Variants in CACNA1C observed in about 807,000 individuals in gnomAD.
The protein encoded by CACNA1C is voltage-dependent L-type calcium channel subunit alpha-1C.
CACNA1C carries 30 observed loss-of-function variants against 229.0 expected under a neutral mutation model. The ratio of observed to expected loss-of-function variants is 0.13; its 90% confidence interval spans 0.10 to 0.18. CACNA1C has a LOEUF of 0.18. Ranked by LOEUF, CACNA1C falls within the 10% of genes least tolerant of loss-of-function variation. The probability of loss-of-function intolerance (pLI) is 1.00; values close to 1 mark genes in which losing one functional copy is unlikely to be tolerated. For missense variants in CACNA1C, 1,658 were observed against 2,845.0 expected (o/e 0.58, Z 9.49); for synonymous variants, 1,114 against 1,132.5 (o/e 0.98, Z 0.33).
In CACNA1C at chr12:2,088,076, C is replaced by T. The variant is rs138025933; in HGVS notation, c.50-27148C>T. ...TGGGAATGGGAACAGGATGAATTTT[C>T]AGGAGGTTTGAATGAGAAGTAATTC... On this transcript the variant is annotated intron_variant, in intron 1 of 46. Transcript: ENST00000399655. Among the ~76,000 whole-genome samples the T allele has an allele frequency of 3.9e-5, 6 of 152,312 alleles. No individual in the cohort carries two copies. The South Asian group carries it at 1.2e-3, about 32-fold the overall frequency.
intron 3 of CACNA1C, among the ~76,000 whole-genome samples, chr12:2,359,136 T>C (rs1030912645): frequency 6.6e-6 from 1 of 152,214 alleles, no homozygotes; most frequent in Non-Finnish European, 1.5e-5. Context: ...CAGATACCAT[T>C]GTCAGCAGGG....
chr12:2,622,846 A>C (rs937005432), intron 29 of CACNA1C, among the ~76,000 whole-genome samples: 1 of 152,126 alleles, frequency 6.6e-6, no homozygotes, highest in African/African-American at 2.4e-5. Context: ...GAGGCTCATA[A>C]GTCTGGCCGG....
At chr12:2,582,246 G>T (rs2060791351) in intron 14 of CACNA1C, among the ~76,000 whole-genome samples, 1 of 151,960 alleles carries the variant, frequency 6.6e-6, no homozygotes, top group African/African-American at 2.4e-5. Context: ...GGGAGGGGAG[G>T]GTGACGAAAC....
chr12:2,459,785 G>A (rs985392029), intron 5 of CACNA1C, among the ~76,000 whole-genome samples: 2 of 152,158 alleles, frequency 1.3e-5, no homozygotes, highest in Non-Finnish European at 2.9e-5. Flanking sequence ...TAGCAACTGG[G>A]AGTTAATTCC....
chr12:2,422,006 C>A (rs1386889652), intron 3 of CACNA1C, among the ~76,000 whole-genome samples: 2 of 152,020 alleles, frequency 1.3e-5, no homozygotes, highest in African/African-American at 4.8e-5. Context: ...TTCTCTGTTC[C>A]TCCACTCAGG....
Position 2,633,570 on chromosome 12 carries a change from G to A in CACNA1C, c.3829-727G>A. 1.0e-6 allele frequency: 1 copy of A among 987,740 alleles called. No individual in the cohort carries two copies. The allele number at this position is 987,740 out of a possible 1,614,324, so 61.2% of individuals were successfully genotyped here. On this transcript the variant is annotated intron_variant, in intron 29 of 46. Coordinates refer to ENST00000399655, the MANE Select transcript of CACNA1C (RefSeq NM_000719.7). This position sits in a 1 kb window ranked among gnomAD's most constrained non-coding sequence, Gnocchi z 5.8. Reference sequence around the variant, plus strand: ...ATGATTCTGATGGTGGTGTTGCTCTGTTCTTGTCTGTCTAATATTCCTTTT... The same window carrying A: ...ATGATTCTGATGGTGGTGTTGCTCTATTCTTGTCTGTCTAATATTCCTTTT...
At chr12:2,661,457 C>G (rs1039802744) in intron 34 of CACNA1C, among the ~76,000 whole-genome samples, 3 of 151,586 alleles carry the variant, frequency 2.0e-5, no homozygotes, top group African/African-American at 7.3e-5. Flanking sequence ...ATAAAATTAT[C>G]TTAAGAATTA....
chr12:2,193,228 G>T (rs572198490), intron 3 of CACNA1C, among the ~76,000 whole-genome samples: 4 of 152,362 alleles, frequency 2.6e-5, no homozygotes, highest in African/African-American at 9.6e-5. Flanking sequence ...GCTGAGGCGG[G>T]TGGATCACTT....
intron 5 of CACNA1C, among the ~76,000 whole-genome samples, chr12:2,485,838 AAAC>A (rs2099695474): frequency 6.6e-6 from 1 of 152,298 alleles, no homozygotes; most frequent in African/African-American, 2.4e-5. Context: ...TTATGGATGG[AAAC>A]AACATGTTCT....
At chr12:2,475,026 G>A (rs1225199387) in intron 5 of CACNA1C, among the ~76,000 whole-genome samples, 12 of 152,090 alleles carry the variant, frequency 7.9e-5, no homozygotes, top group Non-Finnish European at 1.6e-4. Flanking sequence ...TTGGCTGGGC[G>A]CGGTGGCTCA....
In CACNA1C at chr12:2,277,354, GACAGACAGACACACACACACAC is replaced by G. The variant is rs1450705115; in HGVS notation, c.477+156928_477+156949del. On this transcript the variant is annotated intron_variant, in intron 3 of 46. Coordinates refer to ENST00000399655, the MANE Select transcript of CACNA1C (RefSeq NM_000719.7). ...TAGTAGACAGACAGACAGACAGACA[GACAGACAGACACACACACACAC>G]ACACACACACACACACACACACACA... 2.3e-3 allele frequency among the ~76,000 whole-genome samples: 196 copies of G among 87,104 alleles called. 1 individual carries two copies. The highest frequency in any genetic ancestry group is 4.2e-3 in the Admixed American group (38 of 9,094). The allele number at this position is 87,104 out of a possible 152,430, so 57.1% of individuals were successfully genotyped here.
chr12:2,256,822 C>T (rs1157278588), intron 3 of CACNA1C, among the ~76,000 whole-genome samples: 1 of 152,198 alleles, frequency 6.6e-6, no homozygotes, highest in Admixed American at 6.5e-5. Context: ...GATTAAAACA[C>T]TCCACAGGTG....
chr12:2,173,116 C>T (rs933087827), intron 3 of CACNA1C, among the ~76,000 whole-genome samples: 12 of 152,116 alleles, frequency 7.9e-5, no homozygotes, highest in African/African-American at 2.9e-4. Flanking sequence ...CAGGAGTTTC[C>T]GTGTTTGGCC....
intron 3 of CACNA1C, among the ~76,000 whole-genome samples, chr12:2,284,114 T>C (rs1025134427): frequency 6.6e-6 from 1 of 152,098 alleles, no homozygotes; most frequent in African/African-American, 2.4e-5. Context: ...GCCATCCCCC[T>C]AGCTCGTCCC....
In CACNA1C at chr12:2,053,355, G is replaced by A. The variant is rs1468679913; in HGVS notation, c.-208G>A. ...CAGTTTCACTCGAGGAGGCAGTAGT[G>A]GAAAGGAGCAGTTTTTGGGGTTTGA... is the stretch of plus-strand genomic sequence containing the variant. On this transcript the variant is annotated 5_prime_UTR_variant, in exon 1 of 47. Coordinates refer to ENST00000399655, the MANE Select transcript of CACNA1C (RefSeq NM_000719.7). This position sits in a 1 kb window ranked among gnomAD's most constrained non-coding sequence, Gnocchi z 5.8. The A allele has an allele frequency of 7.4e-7, 1 of 1,347,116 alleles. No individual in the cohort carries two copies. Among genetic ancestry groups the A allele is most frequent in the Non-Finnish European group, 9.5e-7 (1 of 1,047,876 alleles). The allele number at this position is 1,347,116 out of a possible 1,614,324, so 83.4% of individuals were successfully genotyped here.
rs144469121 is a variant in CACNA1C, at chr12:2,266,978, C to T, written c.477+146548C>T. On this transcript the variant is annotated intron_variant, in intron 3 of 46. Coordinates refer to ENST00000399655, the MANE Select transcript of CACNA1C (RefSeq NM_000719.7). ...ACAGGAGTATCTGTTATTTATTAAA[C>T]GCTTATGTTGAGCCAGGACCTTTCT... 9.2e-5 allele frequency among the ~76,000 whole-genome samples: 14 copies of T among 152,204 alleles called. 1 individual carries two copies. The highest frequency in any genetic ancestry group is 2.2e-4 in the African/African-American group (9 of 41,448).
intron 3 of CACNA1C, among the ~76,000 whole-genome samples, chr12:2,122,776 C>G (rs2087470318): frequency 6.6e-6 from 1 of 152,218 alleles, no homozygotes; most frequent in South Asian, 2.1e-4. Flanking sequence ...CTGACATCTC[C>G]AGTGCTAAGC....
At chr12:2,450,266 C>T (rs1465827604) in intron 4 of CACNA1C, among the ~76,000 whole-genome samples, 1 of 152,062 alleles carries the variant, frequency 6.6e-6, no homozygotes, top group African/African-American at 2.4e-5. Context: ...TATTAAAATG[C>T]AGGTGAGGTC....
chr12:2,491,374 T>A (rs2099729689), intron 6 of CACNA1C, among the ~76,000 whole-genome samples: 1 of 151,652 alleles, frequency 6.6e-6, no homozygotes, highest in Admixed American at 6.6e-5. Flanking sequence ...CTGAGGCATG[T>A]AAATTATAAG....
Sources: gnomAD v4.1 joint callset for allele counts (sites outside exome capture counted in the v4.1 genomes callset) on GRCh38, gnomAD v4.1.1 for gene constraint, Gnocchi (gnomAD v3.1) non-coding constraint, MANE v1.5 for transcripts, NCBI Gene and HGNC (gene_info 2026-07-23, HGNC 2026-07-21) for gene names.